Variants in RBFOX1 observed in about 807,000 individuals in gnomAD.
The protein encoded by RBFOX1 is RNA binding protein fox-1 homolog 1.
In RBFOX1, 8 loss-of-function variants were observed where a neutral mutation model predicts 57.7. That is an observed-to-expected ratio of 0.14 (90% CI 0.08 to 0.25). The LOEUF is 0.25. RBFOX1 is among the 10% of genes least tolerant of loss of function. The probability of loss-of-function intolerance (pLI) is 1.00; values close to 1 mark genes in which losing one functional copy is unlikely to be tolerated. For synonymous variants in RBFOX1, 326 were observed against 222.4 expected (o/e 1.47, Z -4.15); for missense variants, 611 against 548.5 (o/e 1.11, Z -1.14).
intron 1 of RBFOX1, among the ~76,000 whole-genome samples, chr16:5,286,054 A>T (rs1596395672): frequency 6.6e-6 from 1 of 152,004 alleles, no homozygotes; most frequent in Non-Finnish European, 1.5e-5. Context: ...ACTGGCATGA[A>T]CCACCACACC....
At chr16:7,402,526 A>T (rs1597512304) in intron 4 of RBFOX1, among the ~76,000 whole-genome samples, 1 of 152,362 alleles carries the variant, frequency 6.6e-6, no homozygotes, top group East Asian at 1.9e-4. Context: ...TCAGGAGGTC[A>T]TCGTTGGGAA....
At chr16:5,447,740 T>C (rs374199366) in intron 1 of RBFOX1, among the ~76,000 whole-genome samples, 1 of 152,188 alleles carries the variant, frequency 6.6e-6, no homozygotes, top group African/African-American at 2.4e-5. Context: ...TCAGCTTCTC[T>C]CAGCACGTGA....
chr16:7,499,898 A>G (rs1325238574), intron 4 of RBFOX1, among the ~76,000 whole-genome samples: 1 of 152,154 alleles, frequency 6.6e-6, no homozygotes, highest in Non-Finnish European at 1.5e-5. Context: ...AAAAAAAGAA[A>G]AAAAAAAAAC....
chr16:6,619,569 A>T (rs1797254196), intron 2 of RBFOX1, among the ~76,000 whole-genome samples: 1 of 151,966 alleles, frequency 6.6e-6, no homozygotes, highest in South Asian at 2.1e-4. Context: ...AGAAGGACTT[A>T]TTCATTCTCA....
At chr16:5,406,919 A>G (rs555630481) in intron 1 of RBFOX1, among the ~76,000 whole-genome samples, 11 of 152,298 alleles carry the variant, frequency 7.2e-5, no homozygotes, top group Non-Finnish European at 1.6e-4. Flanking sequence ...TGTGGGATTC[A>G]TCTTGGAGGG....
chr16:7,667,215 G>T (rs2069645411), intron 13 of RBFOX1, among the ~76,000 whole-genome samples: 1 of 152,160 alleles, frequency 6.6e-6, no homozygotes, highest in Non-Finnish European at 1.5e-5. Context: ...TTTGTCTGAT[G>T]ATGACTTTAA....
intron 4 of RBFOX1, among the ~76,000 whole-genome samples, chr16:7,109,460 G>C (rs12051511): frequency 6.6e-6 from 1 of 152,028 alleles, no homozygotes; most frequent in East Asian, 1.9e-4. Flanking sequence ...GCCCCCAGGT[G>C]GATGTATGGA....
chr16:6,158,964 G>A (rs2096857919), intron 1 of RBFOX1, among the ~76,000 whole-genome samples: 1 of 151,564 alleles, frequency 6.6e-6, no homozygotes, highest in African/African-American at 2.4e-5. Flanking sequence ...GTACAGTAGT[G>A]CACTCTCGGC....
intron 4 of RBFOX1, among the ~76,000 whole-genome samples, chr16:7,359,359 A>G (rs1318660052): frequency 6.6e-6 from 1 of 151,678 alleles, no homozygotes; most frequent in Non-Finnish European, 1.5e-5. Flanking sequence ...ATGCCATCTA[A>G]TTGTGTGTAT....
At chr16:5,254,944 G>C (rs1279014820) in intron 1 of RBFOX1, among the ~76,000 whole-genome samples, 1 of 152,238 alleles carries the variant, frequency 6.6e-6, no homozygotes, top group Non-Finnish European at 1.5e-5. Flanking sequence ...TGTTGGGGAA[G>C]TCTTGATAAG....
At chr16:6,552,002 A>G (rs543166202) in intron 2 of RBFOX1, among the ~76,000 whole-genome samples, 5 of 152,312 alleles carry the variant, frequency 3.3e-5, no homozygotes, top group African/African-American at 1.2e-4. Context: ...GTCAATTCAG[A>G]ACATCTATTA....
intron 2 of RBFOX1, among the ~76,000 whole-genome samples, chr16:6,644,524 A>G (rs1362018525): frequency 6.6e-6 from 1 of 152,194 alleles, no homozygotes; most frequent in Non-Finnish European, 1.5e-5. Flanking sequence ...CACACTCCTG[A>G]GAGGTGGCTT....
At chr16:7,248,372 C>A (rs978396354) in intron 4 of RBFOX1, among the ~76,000 whole-genome samples, 2 of 152,158 alleles carry the variant, frequency 1.3e-5, no homozygotes, top group African/African-American at 2.4e-5. Flanking sequence ...GTAGGATGCC[C>A]TATGTGGGTA....
In RBFOX1 at chr16:6,379,153, G is replaced by A. The variant is rs147004372; in HGVS notation, c.-64+62096G>A. 7.9e-4 allele frequency among the ~76,000 whole-genome samples: 120 copies of A among 152,276 alleles called. 1 individual carries two copies. The East Asian group carries it at 0.021, about 27-fold the overall frequency. On this transcript the variant is annotated intron_variant, in intron 2 of 15. Transcript: ENST00000550418. ...AAATAAAGAATGGTTTGAGAAGAAA[G>A]ATGCTGTGCTCATCTTGGAAATGTT... is the stretch of plus-strand genomic sequence containing the variant.
intron 3 of RBFOX1, among the ~76,000 whole-genome samples, chr16:5,768,739 C>G (rs137879397): frequency 0.015 from 2,214 of 152,276 alleles, 22 homozygotes; most frequent in Non-Finnish European, 0.024. Context: ...GGAGGTCAGG[C>G]CAGCCTTTGC....
At chr16:7,323,484 C>G (rs1251262663) in intron 4 of RBFOX1, among the ~76,000 whole-genome samples, 1 of 152,166 alleles carries the variant, frequency 6.6e-6, no homozygotes, top group Non-Finnish European at 1.5e-5. Context: ...GTATATTAAT[C>G]CATATCGCAT....
intron 5 of RBFOX1, among the ~76,000 whole-genome samples, chr16:7,538,739 T>C (rs2082139209): frequency 6.6e-6 from 1 of 152,206 alleles, no homozygotes; most frequent in African/African-American, 2.4e-5. Flanking sequence ...AGTTTAGCTG[T>C]AGAGATCAGC....
intron 3 of RBFOX1, among the ~76,000 whole-genome samples, chr16:5,866,172 T>C (rs989295788): frequency 6.6e-6 from 1 of 152,190 alleles, no homozygotes; most frequent in African/African-American, 2.4e-5. Context: ...TTTCACCATG[T>C]TGGCCAAGCT....
chr16:6,639,165 T>C (rs2098467048), intron 2 of RBFOX1, among the ~76,000 whole-genome samples: 1 of 152,238 alleles, frequency 6.6e-6, no homozygotes, highest in East Asian at 1.9e-4. Flanking sequence ...TTTCAAATCA[T>C]GTGCGCTAGC....
Sources: gnomAD v4.1 joint callset for allele counts (sites outside exome capture counted in the v4.1 genomes callset) on GRCh38, gnomAD v4.1.1 for gene constraint, MANE v1.5 for transcripts, NCBI Gene and HGNC (gene_info 2026-07-23, HGNC 2026-07-21) for gene names.